FHIT: variants seen among roughly 807,000 people sequenced by gnomAD.
FHIT encodes the protein bis(5'-adenosyl)-triphosphatase.
FHIT carries 19 observed loss-of-function variants against 17.9 expected under a neutral mutation model. The observed-to-expected ratio is 1.06, with a 90% CI of 0.74 to 1.56. FHIT has a LOEUF of 1.56. FHIT is among the 40% of genes most tolerant of loss of function. The pLI, the probability that FHIT is intolerant of heterozygous loss-of-function variation, is 0.00. For synonymous variants in FHIT, 81 were observed against 69.7 expected, an observed-to-expected ratio of 1.16 and a Z score of -0.81; for missense variants, 248 against 189.2, an observed-to-expected ratio of 1.31 and a Z score of -1.82.
At chr3:59,889,930 C>A (rs1000436845) in intron 8 of FHIT, among the ~76,000 whole-genome samples, 47 of 152,128 alleles carry the variant, frequency 3.1e-4, no homozygotes, top group African/African-American at 1.1e-3. Flanking sequence ...CTTCAGAGGA[C>A]TTATTAGTGT....
chr3:59,751,063 T>G (rs1700869487), intron 9 of FHIT: 1 of 180,852 alleles, frequency 5.5e-6, no homozygotes, highest in East Asian at 9.1e-5. Context: ...TAGGAGAGGA[T>G]CTGTAACTGG....
At chr3:59,983,794 T>G (rs1708762430) in intron 7 of FHIT, among the ~76,000 whole-genome samples, 1 of 151,818 alleles carries the variant, frequency 6.6e-6, no homozygotes, top group East Asian at 1.9e-4. Flanking sequence ...TACCAGAAAA[T>G]CCCTATATTA....
intron 7 of FHIT, among the ~76,000 whole-genome samples, chr3:59,950,802 C>A (rs1319802103): frequency 6.6e-6 from 1 of 152,146 alleles, no homozygotes; most frequent in Admixed American, 6.5e-5. Flanking sequence ...ACCTCTGAAT[C>A]CAACGTTGAG....
chr3:59,861,334 T>C (rs1442266717), intron 8 of FHIT, among the ~76,000 whole-genome samples: 3 of 152,158 alleles, frequency 2.0e-5, no homozygotes, highest in African/African-American at 7.2e-5. Flanking sequence ...AATACTTCTG[T>C]GCCCTAATGT....
At chr3:60,007,839 T>A (rs998326577) in intron 7 of FHIT, among the ~76,000 whole-genome samples, 4 of 151,642 alleles carry the variant, frequency 2.6e-5, no homozygotes, top group Non-Finnish European at 5.9e-5. Context: ...TCCTCTGGAA[T>A]GAAGGTCTTA....
intron 7 of FHIT, among the ~76,000 whole-genome samples, chr3:59,959,966 A>G (rs1436682296): frequency 6.6e-6 from 1 of 152,176 alleles, no homozygotes; most frequent in Non-Finnish European, 1.5e-5. Flanking sequence ...GAGGAAGGGA[A>G]TATAAAGTAT....
intron 5 of FHIT, among the ~76,000 whole-genome samples, chr3:60,203,415 A>G (rs1211686659): frequency 6.6e-6 from 1 of 152,214 alleles, no homozygotes; most frequent in Non-Finnish European, 1.5e-5. Context: ...CATGTAAGTC[A>G]CCAGTATTCA....
In FHIT at chr3:60,579,811, C is replaced by T. The variant is rs574201749; in HGVS notation, c.-17-42832G>A. Among the ~76,000 whole-genome samples, 10 of 152,196 alleles carry T rather than the reference C, an allele frequency of 6.6e-5. No individual in the cohort carries two copies. The South Asian group carries it at 1.7e-3, about 25-fold the overall frequency. ...TATGTCAGCAGATACTTCAGAGGAACGTTAATGTCTCGAGGTTTCTAGCAA... is the reference window on the plus strand; with the variant it reads ...TATGTCAGCAGATACTTCAGAGGAATGTTAATGTCTCGAGGTTTCTAGCAA... On this transcript the variant is annotated intron_variant, in intron 4 of 9. Transcript: ENST00000492590.
At chr3:60,020,167 A>T (rs963381825) in intron 5 of FHIT, among the ~76,000 whole-genome samples, 15 of 152,290 alleles carry the variant, frequency 9.8e-5, no homozygotes, top group Admixed American at 3.3e-4. Context: ...ACTACATAAA[A>T]TTTCCATTAT....
chr3:60,401,187 T>C (rs1479018267), intron 5 of FHIT, among the ~76,000 whole-genome samples: 1 of 152,164 alleles, frequency 6.6e-6, no homozygotes, highest in African/African-American at 2.4e-5. Context: ...GCTCAGAAGA[T>C]TTTTAGTGAA....
At chr3:60,983,044 T>G (rs1200517218) in intron 3 of FHIT, among the ~76,000 whole-genome samples, 1 of 152,160 alleles carries the variant, frequency 6.6e-6, no homozygotes, top group African/African-American at 2.4e-5. Flanking sequence ...CATATAAGCT[T>G]CTTTTCAAGG....
chr3:60,087,681 C>T (rs1231005781), intron 5 of FHIT, among the ~76,000 whole-genome samples: 1 of 152,190 alleles, frequency 6.6e-6, no homozygotes, highest in African/African-American at 2.4e-5. Context: ...AAGTTATTTG[C>T]TACTATGTAA....
chr3:60,009,484 C>T (rs1220908545), intron 7 of FHIT, among the ~76,000 whole-genome samples: 4 of 152,002 alleles, frequency 2.6e-5, no homozygotes, highest in Admixed American at 2.0e-4. Flanking sequence ...ATCATCATCA[C>T]CATCAAAGGT....
Position 61,163,643 on chromosome 3 carries a change from T to G in FHIT, c.-164+36974A>C, listed in dbSNP as rs550154145. On this transcript the variant is annotated intron_variant, in intron 2 of 9. Coordinates refer to ENST00000492590, the MANE Select transcript of FHIT (RefSeq NM_002012.4). The stretch of plus-strand genomic sequence containing the variant: ...CTATGCCTGGAGGAAAGGAATGTCA[T>G]TATCTCTGAAGGCACAGAGATAAAG... Among the ~76,000 whole-genome samples the G allele has an allele frequency of 1.1e-4, 16 of 152,260 alleles. No individual in the cohort carries two copies. In the East Asian group the frequency reaches 2.9e-3, roughly 28 times the overall value.
At chr3:60,030,830 G>A (rs1179638603) in intron 5 of FHIT, among the ~76,000 whole-genome samples, 3 of 151,928 alleles carry the variant, frequency 2.0e-5, no homozygotes, top group African/African-American at 7.3e-5. Flanking sequence ...ATGAATTACT[G>A]TTTCATTAAT....
At chr3:61,173,675 G>C (rs1005806131) in intron 2 of FHIT, among the ~76,000 whole-genome samples, 1 of 152,162 alleles carries the variant, frequency 6.6e-6, no homozygotes, top group Admixed American at 6.5e-5. Context: ...AGAACCTAAA[G>C]AGACTGTTAG....
intron 3 of FHIT, among the ~76,000 whole-genome samples, chr3:61,020,484 G>C (rs1222384215): frequency 6.6e-6 from 1 of 151,950 alleles, no homozygotes; most frequent in Non-Finnish European, 1.5e-5. Context: ...CCATTCTGTA[G>C]GTTGCCTGTT....
intron 5 of FHIT, among the ~76,000 whole-genome samples, chr3:60,485,734 C>A (rs915431201): frequency 1.3e-5 from 2 of 152,072 alleles, no homozygotes; most frequent in African/African-American, 4.8e-5. Context: ...ACCTATGTAA[C>A]AAACCTGCAT....
At chr3:61,093,824 C>A (rs1576000151) in intron 2 of FHIT, among the ~76,000 whole-genome samples, 1 of 152,172 alleles carries the variant, frequency 6.6e-6, no homozygotes, top group Non-Finnish European at 1.5e-5. Flanking sequence ...AGTGTGTATA[C>A]CCACTGTCAA....
Sources: allele counts gnomAD v4.1 joint callset (sites outside exome capture counted in the v4.1 genomes callset), GRCh38; gene constraint gnomAD v4.1.1; transcripts MANE v1.5; gene names NCBI Gene and HGNC (gene_info 2026-07-23, HGNC 2026-07-21).